The following DOCK2 variants were observed in gnomAD, a reference collection of about 807,000 sequenced individuals.
DOCK2 encodes the protein dedicator of cytokinesis protein 2.
In DOCK2, 87 loss-of-function variants were observed where a neutral mutation model predicts 248.9. That is an observed-to-expected ratio of 0.35 (90% CI 0.29 to 0.42). The LOEUF (loss-of-function observed/expected upper bound fraction) is 0.42. Among genes scored for constraint, DOCK2 ranks in the 10% least tolerant of loss-of-function variants. DOCK2 has a pLI of 1.00. For synonymous variants in DOCK2, 805 were observed against 821.6 expected, an observed-to-expected ratio of 0.98 and a Z score of 0.35; for missense variants, 1,747 against 2,300.2, an observed-to-expected ratio of 0.76 and a Z score of 4.92.
At chr5:170,072,475 GAGTAA>G (rs1757712545) in intron 46 of DOCK2, among the ~76,000 whole-genome samples, 1 of 152,214 alleles carries the variant, frequency 6.6e-6, no homozygotes, top group African/African-American at 2.4e-5. Flanking sequence ...TGTATATTAT[GAGTAA>G]AGTTGCTATG....
At chr5:169,982,114 A>G (rs368393244) in intron 27 of DOCK2, among the ~76,000 whole-genome samples, 1 of 147,194 alleles carries the variant, frequency 6.8e-6, no homozygotes, top group South Asian at 2.1e-4. Context: ...CAGCCAGGCC[A>G]TCTTCCACAA....
Position 170,080,243 on chromosome 5 carries a change from T to C in DOCK2, c.5247T>C (p.Ser1749=). The change falls in exon 50 of 52, where the codon TCT becomes TCC. Residue 1749 remains serine (S), a synonymous_variant. Transcript: ENST00000520908. ...AAIPLKASVL[S]QMSFASQSMP... ...TCCCCCTCAAGGCGTCTGTCCTCTCTCAAATGAGCTTTGCCAGCCAGTCCA... is the reference window on the plus strand; with the variant it reads ...TCCCCCTCAAGGCGTCTGTCCTCTCCCAAATGAGCTTTGCCAGCCAGTCCA... The C allele has an allele frequency of 1.2e-6, 2 of 1,614,106 alleles. No individual in the cohort carries two copies. The highest frequency in any genetic ancestry group is 1.7e-6 in the Non-Finnish European group (2 of 1,180,014).
chr5:169,673,399 T>A (rs764801857), intron 5 of DOCK2, among the ~76,000 whole-genome samples: 22 of 152,088 alleles, frequency 1.4e-4, no homozygotes, highest in Admixed American at 3.3e-4. Context: ...ATATATATAT[T>A]TTTTTGTTGT....
intron 27 of DOCK2, among the ~76,000 whole-genome samples, chr5:169,903,582 G>T (rs1480914485): frequency 3.3e-5 from 5 of 152,116 alleles, no homozygotes; most frequent in Admixed American, 6.5e-5. Context: ...GAGAAGGGAA[G>T]TCACTTCAGG....
chr5:169,652,833 A>T (rs1757879276), intron 1 of DOCK2, among the ~76,000 whole-genome samples: 2 of 152,192 alleles, frequency 1.3e-5, no homozygotes, highest in Admixed American at 1.3e-4. Context: ...ATGCAAAAGA[A>T]TCTGCACAGA....
At chr5:169,701,979 A>G (rs1223786942) in intron 13 of DOCK2, among the ~76,000 whole-genome samples, 1 of 152,196 alleles carries the variant, frequency 6.6e-6, no homozygotes, top group Non-Finnish European at 1.5e-5. Context: ...GGATCAATTC[A>G]ATTGGAGCTT....
intron 29 of DOCK2, among the ~76,000 whole-genome samples, chr5:169,993,209 G>T (rs1275748915): frequency 6.6e-6 from 1 of 152,178 alleles, no homozygotes; most frequent in African/African-American, 2.4e-5. Flanking sequence ...AAGACATATT[G>T]GTGAATAACA....
At chr5:169,768,088 G>A (rs1255035564) in intron 25 of DOCK2, among the ~76,000 whole-genome samples, 1 of 152,200 alleles carries the variant, frequency 6.6e-6, no homozygotes, top group African/African-American at 2.4e-5. Context: ...AGATAAGAAG[G>A]GAGGGAAGGA....
chr5:169,940,708 C>G (rs143020366), intron 27 of DOCK2, among the ~76,000 whole-genome samples: 316 of 152,248 alleles, frequency 2.1e-3, no homozygotes, highest in African/African-American at 7.2e-3. Context: ...CTAATCCCAC[C>G]ACTGATCTGA....
intron 15 of DOCK2, among the ~76,000 whole-genome samples, chr5:169,709,578 G>A (rs1022526289): frequency 2.1e-4 from 32 of 152,020 alleles, no homozygotes; most frequent in East Asian, 9.7e-4. Context: ...TAAATGAGTC[G>A]TGCATGGTGT....
At chr5:169,911,108 T>C (rs1358458693) in intron 27 of DOCK2, among the ~76,000 whole-genome samples, 1 of 152,242 alleles carries the variant, frequency 6.6e-6, no homozygotes, top group Non-Finnish European at 1.5e-5. Flanking sequence ...AGTTCTTTTC[T>C]AGGTTTATTT....
intron 9 of DOCK2, chr5:169,695,141 C>T (rs887557872): frequency 1.3e-5 from 2 of 152,284 alleles, no homozygotes; most frequent in African/African-American, 4.8e-5. Context: ...TGATTTGCCA[C>T]ATTCCTTTCC....
intron 26 of DOCK2, among the ~76,000 whole-genome samples, chr5:169,837,063 C>T (rs1424348933): frequency 6.6e-6 from 1 of 152,118 alleles, no homozygotes; most frequent in African/African-American, 2.4e-5. Flanking sequence ...CCTGCCTAGT[C>T]CCCATCCACT....
chr5:169,882,928 C>T lies in DOCK2; in HGVS notation c.2799+42076C>T, dbSNP rs1772744573. On this transcript the variant is annotated intron_variant, in intron 27 of 51. Transcript: ENST00000520908. Reference sequence around the variant, plus strand: ...TGATGAAGGACAGTCTGAGGCTCTTCCTGGGTGGGCTGGCTGGCTGTGGGA... The same window carrying T: ...TGATGAAGGACAGTCTGAGGCTCTTTCTGGGTGGGCTGGCTGGCTGTGGGA... The T allele has an allele frequency of 1.9e-6, 3 of 1,551,784 alleles. No homozygotes were observed. Among genetic ancestry groups the T allele is most frequent in the Admixed American group, 2.0e-5 (1 of 50,966 alleles).
intron 2 of DOCK2, among the ~76,000 whole-genome samples, chr5:169,661,572 T>C (rs1277558785): frequency 6.6e-6 from 1 of 152,202 alleles, no homozygotes; most frequent in Non-Finnish European, 1.5e-5. Flanking sequence ...TCTTCCTACA[T>C]ATCTGTTACC....
intron 12 of DOCK2, 129 bp downstream of exon 12, chr5:169,699,587 T>G: frequency 1.1e-6 from 1 of 875,630 alleles, no homozygotes; most frequent in East Asian, 2.7e-5. Flanking sequence ...CTGGGAAGAA[T>G]GGGAACATAT....
intron 15 of DOCK2, among the ~76,000 whole-genome samples, chr5:169,710,922 C>T (rs1007768036): frequency 1.6e-4 from 25 of 152,132 alleles, no homozygotes; most frequent in Admixed American, 9.8e-4. Context: ...ATGTGTAACA[C>T]GGAACAATGA....
chr5:169,736,360 T>C (rs1408918232), intron 22 of DOCK2, among the ~76,000 whole-genome samples: 2 of 152,174 alleles, frequency 1.3e-5, no homozygotes, highest in Non-Finnish European at 2.9e-5. Flanking sequence ...AGCTCACCTG[T>C]TTGGGTCAGG....
chr5:169,999,373 G>C (rs560777035), intron 30 of DOCK2, among the ~76,000 whole-genome samples: 1 of 152,290 alleles, frequency 6.6e-6, no homozygotes, highest in East Asian at 1.9e-4. Context: ...AAAGCATTTA[G>C]AACAGTGCTG....
Sources: allele counts gnomAD v4.1 joint callset (sites outside exome capture counted in the v4.1 genomes callset), GRCh38; gene constraint gnomAD v4.1.1; transcripts MANE v1.5; gene names NCBI Gene and HGNC (gene_info 2026-07-23, HGNC 2026-07-21).